EGFR: variants seen among roughly 807,000 people sequenced by gnomAD.
EGFR encodes the protein avian erythroblastic leukemia viral (v-erb-b) oncogene homolog.
Under a neutral mutation model 143.0 loss-of-function variants are expected in EGFR, and 58 were observed. That is an observed-to-expected ratio of 0.41 (90% CI 0.33 to 0.50). The LOEUF is 0.50. Ranked by LOEUF, EGFR falls within the 20% of genes least tolerant of loss-of-function variation. The pLI, the probability that EGFR is intolerant of heterozygous loss-of-function variation, is 0.39. For missense variants in EGFR, 1,307 were observed against 1,579.0 expected, an observed-to-expected ratio of 0.83 and a Z score of 2.92; for synonymous variants, 613 against 594.4, an observed-to-expected ratio of 1.03 and a Z score of -0.45.
intron 16 of EGFR, 87 bp from the exon 17 acceptor site, chr7:55,172,896 A>C: frequency 6.2e-7 from 1 of 1,612,394 alleles, no homozygotes; most frequent in Non-Finnish European, 8.5e-7. Context: ...ATGTCAGTGC[A>C]CTGAAACATG....
chr7:55,058,008 A>C (rs1003142544), intron 1 of EGFR, among the ~76,000 whole-genome samples: 2 of 152,262 alleles, frequency 1.3e-5, no homozygotes, highest in African/African-American at 4.8e-5. Context: ...AGTATATTTA[A>C]AATCATATCT....
At chr7:55,150,615 A>G (rs1785103583) in intron 4 of EGFR, among the ~76,000 whole-genome samples, 1 of 152,240 alleles carries the variant, frequency 6.6e-6, no homozygotes, top group African/African-American at 2.4e-5. Context: ...CTATATAGAT[A>G]TAGCACTTCG....
At chr7:55,129,385 G>C (rs911931092) in intron 1 of EGFR, among the ~76,000 whole-genome samples, 6 of 152,234 alleles carry the variant, frequency 3.9e-5, no homozygotes, top group Non-Finnish European at 7.3e-5. Context: ...GCAATACGTT[G>C]CATCTGTGTT....
chr7:55,128,768 C>G (rs1051183848), intron 1 of EGFR, among the ~76,000 whole-genome samples: 2 of 152,106 alleles, frequency 1.3e-5, no homozygotes, highest in African/African-American at 4.8e-5. Context: ...TTCTATTAAG[C>G]TAGTAGGATG....
At chr7:55,098,219 T>C (rs2128899190) in intron 1 of EGFR, among the ~76,000 whole-genome samples, 1 of 152,276 alleles carries the variant, frequency 6.6e-6, no homozygotes, top group African/African-American at 2.4e-5. Context: ...AACTGAAAGC[T>C]CACTGATTTT....
chr7:55,100,171 T>C (rs1234041048), intron 1 of EGFR, among the ~76,000 whole-genome samples: 1 of 152,210 alleles, frequency 6.6e-6, no homozygotes, highest in Admixed American at 6.5e-5. Context: ...CTACGATGCC[T>C]GACAGTGCCC....
intron 1 of EGFR, among the ~76,000 whole-genome samples, chr7:55,111,918 G>A (rs1792515372): frequency 6.6e-6 from 1 of 152,214 alleles, no homozygotes; most frequent in Admixed American, 6.5e-5. Context: ...CGTTTAACCA[G>A]CAGTCACCAC....
intron 16 of EGFR, 98 bp downstream of exon 16, chr7:55,171,311 C>A: frequency 6.5e-7 from 1 of 1,532,028 alleles, no homozygotes; most frequent in South Asian, 1.1e-5. Context: ...GTCCTCTGTC[C>A]TGATCAAGTT....
chr7:55,172,000 C>T (rs1304398707), intron 16 of EGFR, among the ~76,000 whole-genome samples: 1 of 152,204 alleles, frequency 6.6e-6, no homozygotes, highest in Admixed American at 6.5e-5. Context: ...ACCAGTGTCA[C>T]ATGATCGAGG....
intron 13 of EGFR, among the ~76,000 whole-genome samples, chr7:55,163,324 A>T (rs1052001680): frequency 6.6e-6 from 1 of 152,158 alleles, no homozygotes; most frequent in African/African-American, 2.4e-5. Context: ...TTTAGTAATA[A>T]CCATTGAGCG....
intron 1 of EGFR, among the ~76,000 whole-genome samples, chr7:55,118,724 C>A (rs1404231215): frequency 6.6e-6 from 1 of 152,070 alleles, no homozygotes; most frequent in Non-Finnish European, 1.5e-5. Flanking sequence ...GAGCTGTGAT[C>A]TCACAGATCC....
At position 55,191,802 on chromosome 7, in the gene EGFR, C is replaced by G. The variant is rs2128964565; in HGVS notation, c.2553C>G (p.Val851=). 6.2e-7 allele frequency: 1 copy of G among 1,614,092 alleles called. No individual in the cohort carries two copies. Among genetic ancestry groups the G allele is most frequent in the Non-Finnish European group, 8.5e-7 (1 of 1,180,038 alleles). The change falls in exon 21 of 28, where the codon GTC becomes GTG. Residue 851 remains valine, a synonymous_variant. Coordinates refer to ENST00000275493, the MANE Select transcript of EGFR (RefSeq NM_005228.5). ...TACTGGTGAAAACACCGCAGCATGT[C>G]AAGATCACAGATTTTGGGCTGGCCA... ...RNVLVKTPQH[V]KITDFGLAKL... is the part of the protein sequence containing the mutation.
intron 1 of EGFR, among the ~76,000 whole-genome samples, chr7:55,035,269 A>G (rs73131830): frequency 0.011 from 1,618 of 152,268 alleles, 20 homozygotes; most frequent in Non-Finnish European, 0.018. Context: ...CTTTCAAAAC[A>G]CATTTTATTT....
At chr7:55,128,619 C>T (rs1398418409) in intron 1 of EGFR, among the ~76,000 whole-genome samples, 1 of 152,124 alleles carries the variant, frequency 6.6e-6, no homozygotes, top group African/African-American at 2.4e-5. Context: ...CAAAGCATGG[C>T]AATGATATCT....
intron 19 of EGFR, among the ~76,000 whole-genome samples, chr7:55,176,046 A>G (rs956143493): frequency 2.0e-5 from 3 of 152,232 alleles, no homozygotes; most frequent in Admixed American, 6.5e-5. Context: ...TGTTAAGTCT[A>G]TTAACATAAC....
At chr7:55,173,900 C>T (rs1786471613) in intron 17 of EGFR, 21 bp from the exon 18 acceptor site, 1 of 1,614,120 alleles carries the variant, frequency 6.2e-7, no homozygotes, top group African/African-American at 1.3e-5. Flanking sequence ...ACCCTTGTCT[C>T]TGTGTTCTTG....
chr7:55,089,286 C>A (rs1237191811), intron 1 of EGFR, among the ~76,000 whole-genome samples: 1 of 152,194 alleles, frequency 6.6e-6, no homozygotes. Flanking sequence ...TTGTTCTGGG[C>A]TTTGCAGCCC....
intron 3 of EGFR, among the ~76,000 whole-genome samples, chr7:55,145,704 G>A (rs946160632): frequency 2.6e-5 from 4 of 152,178 alleles, no homozygotes; most frequent in South Asian, 4.1e-4. Context: ...CTCTATTAAA[G>A]TCACAGATGC....
chr7:55,173,186 C>T (rs2128952859), intron 17 of EGFR, 62 bp downstream of exon 17: 2 of 1,594,642 alleles, frequency 1.3e-6, no homozygotes, highest in South Asian at 1.1e-5. Flanking sequence ...AAGGGCCAGC[C>T]CCGAGAACGG....
Sources: allele counts gnomAD v4.1 joint callset (sites outside exome capture counted in the v4.1 genomes callset), GRCh38; gene constraint gnomAD v4.1.1; transcripts MANE v1.5; gene names NCBI Gene and HGNC (gene_info 2026-07-23, HGNC 2026-07-21).